Variants in RASAL2 observed in about 807,000 individuals in gnomAD.
RASAL2 encodes RAS protein activator like 2.
In RASAL2, 58 loss-of-function variants were observed where a neutral mutation model predicts 128.9. That is an observed-to-expected ratio of 0.45 (90% CI 0.36 to 0.56). RASAL2 has a LOEUF of 0.56. RASAL2 is among the 20% of genes least tolerant of loss of function. RASAL2 has a pLI of 0.00. For missense variants in RASAL2, 1,360 were observed against 1,601.6 expected, an observed-to-expected ratio of 0.85 and a Z score of 2.57; for synonymous variants, 561 against 580.8, an observed-to-expected ratio of 0.97 and a Z score of 0.49.
chr1:178,260,412 A>G (rs1168129619), intron 1 of RASAL2, among the ~76,000 whole-genome samples: 2 of 96,572 alleles, frequency 2.1e-5, no homozygotes, highest in African/African-American at 7.6e-5. Flanking sequence ...ATATATATAT[A>G]TATGATAATA....
intron 4 of RASAL2, among the ~76,000 whole-genome samples, chr1:178,394,049 A>G (rs1169025809): frequency 1.3e-5 from 2 of 152,216 alleles, no homozygotes; most frequent in Non-Finnish European, 2.9e-5. Flanking sequence ...GAAATTCAGA[A>G]CTATGGTGTT....
intron 1 of RASAL2, among the ~76,000 whole-genome samples, chr1:178,162,547 T>A (rs1051387539): frequency 8.5e-6 from 1 of 117,726 alleles, no homozygotes; most frequent in Admixed American, 9.9e-5. Flanking sequence ...TTATATAAAA[T>A]ATATATAATA....
At chr1:178,133,518 C>T (rs888437881) in intron 1 of RASAL2, among the ~76,000 whole-genome samples, 4 of 148,076 alleles carry the variant, frequency 2.7e-5, no homozygotes, top group East Asian at 2.0e-4. Flanking sequence ...CTTTGTTTTG[C>T]GGTAAGGAGT....
chr1:178,241,847 G>A (rs1664512287), intron 1 of RASAL2, among the ~76,000 whole-genome samples: 1 of 152,184 alleles, frequency 6.6e-6, no homozygotes, highest in African/African-American at 2.4e-5. Flanking sequence ...AGTGTATGCA[G>A]AGGCCATGGC....
Position 178,325,842 on chromosome 1 carries a change from T to C in RASAL2, c.457+25724T>C, listed in dbSNP as rs1012393359. 1.3e-4 allele frequency among the ~76,000 whole-genome samples: 20 copies of C among 152,286 alleles called. No homozygotes were observed. The East Asian group carries it at 3.7e-3, about 28-fold the overall frequency. ...TTAGCTGGGTACCATGGCTCATGAC[T>C]GTAATCCTAGCACTTTAACAGAAAG... On this transcript the variant is annotated intron_variant, in intron 3 of 17. Transcript: ENST00000367649.
At chr1:178,208,635 G>A (rs552520317) in intron 1 of RASAL2, among the ~76,000 whole-genome samples, 1 of 152,216 alleles carries the variant, frequency 6.6e-6, no homozygotes, top group South Asian at 2.1e-4. Flanking sequence ...ATCTTTGTTG[G>A]ACCCTTATCA....
chr1:178,417,633 A>T (rs1029993159), intron 4 of RASAL2, among the ~76,000 whole-genome samples: 6 of 151,680 alleles, frequency 4.0e-5, no homozygotes, highest in African/African-American at 1.2e-4. Flanking sequence ...TGTAATTCCA[A>T]CTGTAATCCC....
chr1:178,150,314 C>T lies in RASAL2; in HGVS notation c.202+55620C>T, dbSNP rs372293948. Among the ~76,000 whole-genome samples the T allele has an allele frequency of 4.6e-5, 7 of 151,980 alleles. No individual in the cohort carries two copies. In the East Asian group the frequency reaches 7.8e-4, roughly 17 times the overall value. ...GGTTCAAGTGATTCTCCCACCTTAG[C>T]CTCCCAAGTAGCTGAGATTAGCCCT... is the stretch of plus-strand genomic sequence containing the variant. On this transcript the variant is annotated intron_variant, in intron 1 of 17. Coordinates refer to ENST00000367649, the MANE Select transcript of RASAL2 (RefSeq NM_170692.4).
chr1:178,102,427 A>G (rs1000145795), intron 1 of RASAL2, among the ~76,000 whole-genome samples: 4 of 152,072 alleles, frequency 2.6e-5, no homozygotes, highest in African/African-American at 9.7e-5. Flanking sequence ...GCGCAATCAT[A>G]GCTTACATAT....
chr1:178,161,359 T>C (rs1661287975), intron 1 of RASAL2, among the ~76,000 whole-genome samples: 1 of 152,216 alleles, frequency 6.6e-6, no homozygotes, highest in Non-Finnish European at 1.5e-5. Context: ...ACTTTTCACA[T>C]AAATAGAATA....
At chr1:178,344,856 G>A (rs916029422) in intron 3 of RASAL2, among the ~76,000 whole-genome samples, 2 of 152,128 alleles carry the variant, frequency 1.3e-5, no homozygotes, top group South Asian at 2.1e-4. Flanking sequence ...ATGACTCAGC[G>A]ATATGAATTC....
chr1:178,314,194 C>T (rs1321759252), intron 3 of RASAL2, among the ~76,000 whole-genome samples: 3 of 152,180 alleles, frequency 2.0e-5, no homozygotes, highest in Admixed American at 6.5e-5. Context: ...GCAACCTTTG[C>T]TCACGTGAGA....
intron 2 of RASAL2, among the ~76,000 whole-genome samples, chr1:178,297,177 T>G (rs1182104808): frequency 2.6e-5 from 4 of 152,166 alleles, no homozygotes; most frequent in Non-Finnish European, 1.5e-5. Flanking sequence ...TGGAGAAAAT[T>G]GCTCATGTAT....
intron 5 of RASAL2, among the ~76,000 whole-genome samples, chr1:178,435,123 A>G (rs1676173112): frequency 6.6e-6 from 1 of 151,992 alleles, no homozygotes; most frequent in Non-Finnish European, 1.5e-5. Flanking sequence ...GCAGTCTGGA[A>G]TCACAACTGC....
chr1:178,289,910 C>G (rs1667200481), intron 2 of RASAL2, among the ~76,000 whole-genome samples: 1 of 152,132 alleles, frequency 6.6e-6, no homozygotes, highest in Non-Finnish European at 1.5e-5. Flanking sequence ...ACATTCTTCC[C>G]TCTTATATTT....
intron 1 of RASAL2, among the ~76,000 whole-genome samples, chr1:178,164,298 A>G (rs1316634149): frequency 3.9e-5 from 6 of 152,180 alleles, no homozygotes; most frequent in Middle Eastern, 3.2e-3. Context: ...CAGGACTCCA[A>G]TTATAACATG....
At chr1:178,280,822 C>T (rs1666746260) in intron 1 of RASAL2, among the ~76,000 whole-genome samples, 1 of 151,814 alleles carries the variant, frequency 6.6e-6, no homozygotes, top group African/African-American at 2.4e-5. Flanking sequence ...ATTTTAGATA[C>T]TAAAAATAAT....
At chr1:178,451,806 G>T in intron 10 of RASAL2, 91 bp downstream of exon 10, 1 of 1,441,520 alleles carries the variant, frequency 6.9e-7, no homozygotes, top group Non-Finnish European at 9.3e-7. Context: ...TCATCACAAT[G>T]TTAACAATTA....
chr1:178,160,993 C>T (rs1485009532), intron 1 of RASAL2, among the ~76,000 whole-genome samples: 1 of 152,126 alleles, frequency 6.6e-6, no homozygotes, highest in African/African-American at 2.4e-5. Context: ...TCTCTGGCCT[C>T]TTCTTCCTCT....
Sources: allele counts gnomAD v4.1 joint callset (sites outside exome capture counted in the v4.1 genomes callset), GRCh38; gene constraint gnomAD v4.1.1; transcripts MANE v1.5; gene names NCBI Gene and HGNC (gene_info 2026-07-23, HGNC 2026-07-21).